TRIB1: variants seen among roughly 807,000 people sequenced by gnomAD.
TRIB1 encodes tribbles pseudokinase 1, also known as tribbles homolog 1.
A neutral mutation model predicts 27.8 loss-of-function variants in TRIB1; 12 were observed. The ratio of observed to expected loss-of-function variants is 0.43; its 90% confidence interval spans 0.28 to 0.70. TRIB1 has a LOEUF of 0.70. TRIB1 is among the 30% of genes least tolerant of loss of function. TRIB1 has a pLI of 0.18. For synonymous variants in TRIB1, 230 were observed against 224.9 expected (o/e 1.02, Z -0.20); for missense variants, 475 against 515.8 (o/e 0.92, Z 0.77).
intron 2 of TRIB1, among the ~76,000 whole-genome samples, chr8:125,434,744 G>T (rs545106839): frequency 1.3e-5 from 2 of 152,172 alleles, no homozygotes; most frequent in Non-Finnish European, 2.9e-5. Flanking sequence ...GACGCTATTC[G>T]TGTAACCAGC....
In TRIB1 at chr8:125,433,325, C is replaced by T. The variant is rs757419962; in HGVS notation, c.369C>T (p.Pro123=). The T allele has an allele frequency of 6.2e-7, 1 of 1,613,344 alleles. No homozygotes were observed. Among genetic ancestry groups the T allele is most frequent in the Non-Finnish European group, 8.5e-7 (1 of 1,179,346 alleles). Residue 123 remains proline (P), a synonymous_variant, in exon 2 of 3, where the codon CCC becomes CCT. Transcript: ENST00000311922. The surrounding 1 kb of genome is among the most constrained non-coding windows in gnomAD (Gnocchi z 4.4). ...CCCCCTTCTCTCTACAGGTGTTTCC[C>T]ATTAAACACTACCAGGACAAAATCA... ...TGRELRCKVF[P]IKHYQDKIRP...
rs1814646046 is a variant in TRIB1 at position 125,431,050 on chromosome 8, C to T, written c.148C>T (p.Leu50Phe). The change falls in exon 1 of 3, where the codon CTC becomes TTC. Residue 50 changes from leucine to phenylalanine, a missense_variant. Leu to Phe is a conservative substitution (Grantham distance 22). Transcript: ENST00000311922. ...AAAVAAKCPRLSECSSPPDYL... is the reference protein window; with the variant it reads ...AAAVAAKCPRFSECSSPPDYL... ...GGCTGTGGCGGCCAAGTGCCCGCGC[C>T]TCTCCGAGTGCTCCAGCCCCCCGGA... 6.9e-7 allele frequency: 1 copy of T among 1,453,870 alleles called. No individual in the cohort carries two copies. 90.1% of individuals were successfully genotyped at this position (1,453,870 alleles called of 1,614,324 possible).
At position 125,431,020 on chromosome 8, in the gene TRIB1, G is replaced by T; in HGVS notation, c.118G>T (p.Ala40Ser). ...PAKRLLDADDAAAVAAKCPRL... is the reference protein window; with the variant it reads ...PAKRLLDADDSAAVAAKCPRL... ...CAAACGCCTGCTGGACGCCGACGAC[G>T]CGGCGGCTGTGGCGGCCAAGTGCCC... The change falls in exon 1 of 3, where the codon GCG becomes TCG. Residue 40 changes from alanine to serine, a missense_variant. Ala to Ser is a moderately conservative substitution (Grantham distance 99). Coordinates refer to ENST00000311922, the MANE Select transcript of TRIB1 (RefSeq NM_025195.4). The T allele has an allele frequency of 9.6e-6, 14 of 1,462,888 alleles. No homozygotes were observed. The highest frequency in any genetic ancestry group is 1.3e-5 in the Non-Finnish European group (14 of 1,115,344). 90.6% of individuals were successfully genotyped at this position (1,462,888 alleles called of 1,614,324 possible).
At chr8:125,432,197 C>A (rs1342305911) in intron 1 of TRIB1, 3 of 974,166 alleles carry the variant, frequency 3.1e-6, no homozygotes, top group Non-Finnish European at 3.7e-6. Flanking sequence ...TCCCGGGGCT[C>A]GCTGCTGCCA....
chr8:125,433,542 T>A lies in TRIB1; in HGVS notation c.586T>A (p.Cys196Ser). 1 of 1,613,860 alleles carries A rather than the reference T, an allele frequency of 6.2e-7. No individual in the cohort carries two copies. The highest frequency in any genetic ancestry group is 1.3e-5 in the African/African-American group (1 of 75,048). The change falls in exon 2 of 3, where the codon TGC becomes AGC. Residue 196 changes from cysteine to serine, a missense_variant. Coordinates refer to ENST00000311922, the MANE Select transcript of TRIB1 (RefSeq NM_025195.4). This position sits in a 1 kb window ranked among gnomAD's most constrained non-coding sequence, Gnocchi z 4.4. ...GCAGATTGTCTCCGCCGTCGCCCAC[T>A]GCCACCAGTCAGCCATCGTGCTGGG... ...FKQIVSAVAHCHQSAIVLGDL... is the reference protein window; with the variant it reads ...FKQIVSAVAHSHQSAIVLGDL...
At chr8:125,435,070 G>A (rs1301550453) in intron 2 of TRIB1, among the ~76,000 whole-genome samples, 1 of 152,162 alleles carries the variant, frequency 6.6e-6, no homozygotes, top group Admixed American at 6.6e-5. Context: ...GGATATCAGA[G>A]CTTCCCCACC....
chr8:125,434,714 G>A (rs550703888), intron 2 of TRIB1, among the ~76,000 whole-genome samples: 8 of 152,182 alleles, frequency 5.3e-5, no homozygotes, highest in Non-Finnish European at 1.2e-4. Context: ...GGCAACCCGG[G>A]GGTTAAGCAA....
Position 125,433,365 on chromosome 8 carries a change from C to G in TRIB1, c.409C>G (p.Leu137Val), listed in dbSNP as rs1211040690. 1 of 1,614,208 alleles carries G rather than the reference C, an allele frequency of 6.2e-7. No individual in the cohort carries two copies. The highest frequency in any genetic ancestry group is 1.1e-5 in the South Asian group (1 of 91,088). Reference protein sequence around the residue: ...YQDKIRPYIQLPSHSNITGIV... With the variant: ...YQDKIRPYIQVPSHSNITGIV... ...GGACAAAATCAGGCCTTACATCCAG[C>G]TGCCATCGCACAGCAACATTACTGG... The change falls in exon 2 of 3, where the codon CTG becomes GTG. Residue 137 changes from leucine (L) to valine (V), a missense_variant. By Grantham distance (32) the Leu-to-Val change is conservative (BLOSUM62 1). Coordinates refer to ENST00000311922, the MANE Select transcript of TRIB1 (RefSeq NM_025195.4). The surrounding 1 kb of genome is among the most constrained non-coding windows in gnomAD (Gnocchi z 4.4).
At position 125,436,023 on chromosome 8, in the gene TRIB1, A is replaced by G. The variant is rs747683346; in HGVS notation, c.671A>G (p.Glu224Gly). Residue 224 changes from glutamate to glycine, a missense_variant, in exon 3 of 3, where the codon GAA (glutamate) becomes GGA (glycine). Physicochemically the swap from Glu to Gly is moderately conservative, Grantham distance 98. Transcript: ENST00000311922. ...STEERTQLRL[E>G]SLEDTHIMKG... ...TCTTGCAGAACCCAGCTTAGACTAG[A>G]AAGTCTAGAAGACACACACATAATG... 2 of 1,613,914 alleles carry G rather than the reference A, an allele frequency of 1.2e-6. No homozygotes were observed. Among genetic ancestry groups the G allele is most frequent in the South Asian group, 1.1e-5 (1 of 91,074 alleles).
chr8:125,431,227 C>T lies in TRIB1; in HGVS notation c.325C>T (p.Leu109=). Residue 109 remains leucine, a synonymous_variant, in exon 1 of 3, where the codon CTG becomes TTG. Coordinates refer to ENST00000311922, the MANE Select transcript of TRIB1 (RefSeq NM_025195.4). ...LAEREHVSRA[L]CIHTGRELRC... is the part of the protein sequence containing the mutation. ...CGAGCGCGAGCATGTGTCCCGGGCGCTGTGCATCCACACTGGACGCGAGCT... is the reference window on the plus strand; with the variant it reads ...CGAGCGCGAGCATGTGTCCCGGGCGTTGTGCATCCACACTGGACGCGAGCT... 11 of 1,276,104 alleles carry T rather than the reference C, an allele frequency of 8.6e-6. No individual in the cohort carries two copies. Among genetic ancestry groups the T allele is most frequent in the Non-Finnish European group, 1.1e-5 (11 of 1,012,902 alleles). The allele number at this position is 1,276,104 out of a possible 1,614,324, so 79.0% of individuals were successfully genotyped here. A position where few individuals can be genotyped will look rare whatever the true frequency, so the allele number is the denominator to read the frequency against.
rs145816222 is a variant in TRIB1 at position 125,435,807 on chromosome 8, T to C, written c.654-199T>C. Among the ~76,000 whole-genome samples, 136 of 152,374 alleles carry C rather than the reference T, an allele frequency of 8.9e-4. 1 individual carries two copies. Among genetic ancestry groups the C allele is most frequent in the African/African-American group, 3.2e-3 (132 of 41,590 alleles). On this transcript the variant is annotated intron_variant, in intron 2 of 2. Coordinates refer to ENST00000311922, the MANE Select transcript of TRIB1 (RefSeq NM_025195.4). Reference sequence around the variant, plus strand: ...CACCCCAGGCGCTCTGCCGATACTTTGCAAACATTTATTGCAGTTCGTGTT... The same window carrying C: ...CACCCCAGGCGCTCTGCCGATACTTCGCAAACATTTATTGCAGTTCGTGTT...
chr8:125,433,863 C>T lies in TRIB1; in HGVS notation c.653+254C>T. ...TTGACAGGGTGCTCTTCCTCTCCTA[C>T]CCCAGGATCAGGTTCATTCCCCATT... On this transcript the variant is annotated intron_variant, in intron 2 of 2. Transcript: ENST00000311922. This position sits in a 1 kb window ranked among gnomAD's most constrained non-coding sequence, Gnocchi z 4.4. 2.1e-6 allele frequency: 1 copy of T among 482,208 alleles called. No individual in the cohort carries two copies. The highest frequency in any genetic ancestry group is 3.7e-6 in the Non-Finnish European group (1 of 267,386). The allele number at this position is 482,208 out of a possible 1,614,324, so 29.9% of individuals were successfully genotyped here. A position where few individuals can be genotyped will look rare whatever the true frequency, so the allele number is the denominator to read the frequency against.
At chr8:125,432,184 C>T (rs1054567639) in intron 1 of TRIB1, 22 of 947,342 alleles carry the variant, frequency 2.3e-5, no homozygotes, top group Non-Finnish European at 2.8e-5. Context: ...CACCCCGACC[C>T]CGTCCCGGGG....
chr8:125,435,112 A>G (rs2129815487), intron 2 of TRIB1, among the ~76,000 whole-genome samples: 1 of 152,122 alleles, frequency 6.6e-6, no homozygotes, highest in East Asian at 1.9e-4. Context: ...GATCCAGGAG[A>G]CTTGGGTGGC....
rs1046904293 is a variant in TRIB1, at chr8:125,436,928, C to T, written c.*457C>T. Reference sequence around the variant, plus strand: ...CTCATCTTTGGTGGCTAGACTGCTACGGCAGCTTCTCTGATGGGAAAGTTC... The same window carrying T: ...CTCATCTTTGGTGGCTAGACTGCTATGGCAGCTTCTCTGATGGGAAAGTTC... On this transcript the variant is annotated 3_prime_UTR_variant, in exon 3 of 3. Transcript: ENST00000311922. 12 of 181,150 alleles carry T rather than the reference C, an allele frequency of 6.6e-5. No individual in the cohort carries two copies. The highest frequency in any genetic ancestry group is 1.5e-4 in the East Asian group (1 of 6,716). 11.2% of individuals were successfully genotyped at this position (181,150 alleles called of 1,614,324 possible).
At position 125,436,876 on chromosome 8, in the gene TRIB1, T is replaced by C. The variant is rs554972862; in HGVS notation, c.*405T>C. On this transcript the variant is annotated 3_prime_UTR_variant, in exon 3 of 3. Transcript: ENST00000311922. ...CCGTATTTTTCACAGGGTGACAAAT[T>C]GGGCCAATAAATCTGCCATCTTTGA... 1.8e-5 allele frequency: 4 copies of C among 216,888 alleles called. No individual in the cohort carries two copies. In the South Asian group the frequency reaches 2.0e-4, roughly 11 times the overall value. 13.4% of individuals were successfully genotyped at this position (216,888 alleles called of 1,614,324 possible). A position where few individuals can be genotyped will look rare whatever the true frequency, so the allele number is the denominator to read the frequency against.
rs574038129 is a variant in TRIB1, at chr8:125,436,351, A to G, written c.999A>G (p.Leu333=). The part of the protein sequence containing the change: ...PSERLTAPEI[L]LHPWFESVLE... The stretch of plus-strand genomic sequence containing the variant: ...AGAGACTCACTGCCCCCGAGATCCT[A>G]CTGCACCCCTGGTTTGAGTCCGTCT... Residue 333 remains leucine (L), a synonymous_variant, in exon 3 of 3, where the codon CTA becomes CTG. Transcript: ENST00000311922. The G allele has an allele frequency of 4.3e-6, 7 of 1,613,890 alleles. No homozygotes were observed. The highest frequency in any genetic ancestry group is 1.6e-4 in the Middle Eastern group (1 of 6,062).
At chr8:125,434,865 T>A (rs1344684040) in intron 2 of TRIB1, among the ~76,000 whole-genome samples, 1 of 149,158 alleles carries the variant, frequency 6.7e-6, no homozygotes, top group Admixed American at 6.7e-5. Flanking sequence ...GACAGGGAGG[T>A]CACGCTGAGG....
rs200217434 is a variant in TRIB1, at chr8:125,436,241, C to T, written c.889C>T (p.Arg297Trp). The change falls in exon 3 of 3, where the codon CGG becomes TGG. Residue 297 changes from arginine to tryptophan, a missense_variant. Transcript: ENST00000311922. ...SDPSALFSKI[R>W]RGQFCIPEHI... is the part of the protein sequence containing the mutation. ...CCCCAGTGCCCTTTTCTCCAAAATT[C>T]GGCGTGGACAGTTCTGCATTCCTGA... 18 of 1,614,086 alleles carry T rather than the reference C, an allele frequency of 1.1e-5. No individual in the cohort carries two copies. Among genetic ancestry groups the T allele is most frequent in the South Asian group, 2.2e-5 (2 of 91,072 alleles).
Sources: gnomAD v4.1 joint callset for allele counts (sites outside exome capture counted in the v4.1 genomes callset) on GRCh38, gnomAD v4.1.1 for gene constraint, Gnocchi (gnomAD v3.1) non-coding constraint, MANE v1.5 for transcripts, NCBI Gene and HGNC (gene_info 2026-07-23, HGNC 2026-07-21) for gene names.